Variants in CLCN6 observed in about 807,000 individuals in gnomAD.
CLCN6 encodes H(+)/Cl(-) exchange transporter 6.
A neutral mutation model predicts 109.8 loss-of-function variants in CLCN6; 70 were observed. That is an observed-to-expected ratio of 0.64 (90% CI 0.53 to 0.78). The LOEUF is 0.78. Ranked by LOEUF, CLCN6 falls within the 30% of genes least tolerant of loss-of-function variation. The pLI is 0.00. For missense variants in CLCN6, 984 were observed against 1,142.3 expected, an observed-to-expected ratio of 0.86 and a Z score of 2.00; for synonymous variants, 444 against 447.8, an observed-to-expected ratio of 0.99 and a Z score of 0.11.
At position 11,842,391 on chromosome 1, in the gene CLCN6, A is replaced by T. The variant is rs886295403; in HGVS notation, c.*2168A>T. 6.5e-6 allele frequency: 1 copy of T among 152,744 alleles called. No individual in the cohort carries two copies. Among genetic ancestry groups the T allele is most frequent in the African/African-American group, 2.4e-5 (1 of 41,476 alleles). The allele number at this position is 152,744 out of a possible 1,614,324, so 9.5% of individuals were successfully genotyped here. A position where few individuals can be genotyped will look rare whatever the true frequency, so the allele number is the denominator to read the frequency against. Reference sequence around the variant, plus strand: ...CAAGGAGGCCCCAAACCCAGGCCCCATGCAAAGGCACGTGGTTTCCTTTTC... The same window carrying T: ...CAAGGAGGCCCCAAACCCAGGCCCCTTGCAAAGGCACGTGGTTTCCTTTTC... On this transcript the variant is annotated 3_prime_UTR_variant, in exon 23 of 23. Transcript: ENST00000346436.
intron 5 of CLCN6, among the ~76,000 whole-genome samples, chr1:11,821,087 CAAA>C (rs1262108683): frequency 7.8e-5 from 8 of 102,160 alleles, no homozygotes; most frequent in African/African-American, 3.0e-4. Context: ...AAAACAACAA[CAAA>C]AAAAAAAAAC....
In CLCN6 at chr1:11,828,171, C is replaced by G. The variant is rs772513160; in HGVS notation, c.906C>G (p.Ser302Arg). Residue 302 changes from serine to arginine, a missense_variant, in exon 11 of 23, where the codon AGC becomes AGG. Coordinates refer to ENST00000346436, the MANE Select transcript of CLCN6 (RefSeq NM_001286.5). ...TCCGTTCTGGGATTCAGTTTGGAAG[C>G]TGGGGTTCCTTCCAGCTCCCTGGAT... Reference protein sequence around the residue: ...NFFRSGIQFGSWGSFQLPGLL... With the variant: ...NFFRSGIQFGRWGSFQLPGLL... The G allele has an allele frequency of 6.2e-7, 1 of 1,614,208 alleles. No individual in the cohort carries two copies. Among genetic ancestry groups the G allele is most frequent in the Admixed American group, 1.7e-5 (1 of 60,022 alleles).
intron 9 of CLCN6, among the ~76,000 whole-genome samples, 169 bp from the exon 10 acceptor site, chr1:11,826,920 C>T (rs552568304): frequency 2.6e-5 from 4 of 151,840 alleles, no homozygotes; most frequent in East Asian, 3.9e-4. Context: ...GTGTGGCTCT[C>T]GGGTGGACAC....
intron 5 of CLCN6, chr1:11,820,435 A>C: frequency 1.4e-6 from 1 of 711,888 alleles, no homozygotes; most frequent in Non-Finnish European, 2.6e-6. Context: ...AGTGGGGAAT[A>C]ATTTCTTAAA....
intron 2 of CLCN6, among the ~76,000 whole-genome samples, chr1:11,811,669 A>G (rs1351218329): frequency 1.3e-5 from 2 of 152,204 alleles, no homozygotes; most frequent in South Asian, 4.1e-4. Flanking sequence ...GACGTGAGCC[A>G]CTGCGCCCAG....
In CLCN6 at chr1:11,830,793, C is replaced by CTATATATATAT. The variant is rs1557429862; in HGVS notation, c.1248+1471_1248+1472insTATATATATAT. On this transcript the variant is annotated intron_variant, in intron 13 of 22. Transcript: ENST00000346436. ...CACACACACTATATATACACACACACACACACACACACACACACACAAACA... is the reference window on the plus strand; with the variant it reads ...CACACACACTATATATACACACACACTATATATATATACACACACACACACACACACAAACA... Among the ~76,000 whole-genome samples the CTATATATATAT allele has an allele frequency of 7.6e-3, 1,052 of 138,598 alleles. 22 individuals carry two copies. The highest frequency in any genetic ancestry group is 0.029 in the African/African-American group (966 of 33,858). 90.9% of individuals were successfully genotyped at this position (138,598 alleles called of 152,430 possible). A position where few individuals can be genotyped will look rare whatever the true frequency, so the allele number is the denominator to read the frequency against.
chr1:11,826,150 C>T lies in CLCN6; in HGVS notation c.649-6C>T. On this transcript the variant is annotated splice_region_variant and splice_polypyrimidine_tract_variant and intron_variant, in intron 8 of 22. Coordinates refer to ENST00000346436, the MANE Select transcript of CLCN6 (RefSeq NM_001286.5). ...TCTTTAGTGGCTCTCTTTTCTCTTG[C>T]TTTAGTTTCAGAGCATCTCCTTACG... The T allele has an allele frequency of 6.2e-7, 1 of 1,610,628 alleles. No individual in the cohort carries two copies. The highest frequency in any genetic ancestry group is 8.5e-7 in the Non-Finnish European group (1 of 1,177,480).
rs1557432122 is a variant in CLCN6, at chr1:11,833,960, AGTGGCCTTTTT to A, written c.1460_1470del (p.Gly487AlafsTer60). 4 of 1,613,978 alleles carry A rather than the reference AGTGGCCTTTTT, an allele frequency of 2.5e-6. No individual in the cohort carries two copies. The highest frequency in any genetic ancestry group is 3.4e-6 in the Non-Finnish European group (4 of 1,179,996). On this transcript the variant is annotated frameshift_variant, in exon 15 of 23. Transcript: ENST00000346436. LOFTEE classifies it high-confidence loss of function. Reference sequence around the variant, plus strand: ...TTGGACTTACGGCATTTCTGTTCCAAGTGGCCTTTTTGTGCCTTCTCTGCTGTGTGGAGCTG... The same window carrying A: ...TTGGACTTACGGCATTTCTGTTCCAAGTGCCTTCTCTGCTGTGTGGAGCTG...
At chr1:11,836,203 G>A (rs773525788) in intron 18 of CLCN6, 50 bp downstream of exon 18, 28 of 1,541,078 alleles carry the variant, frequency 1.8e-5, no homozygotes, top group East Asian at 6.9e-5. Flanking sequence ...AAGCGGTCCC[G>A]TCTCACACGG....
Position 11,837,382 on chromosome 1 carries a change from A to G in CLCN6, c.2178A>G (p.Pro726=). The G allele has an allele frequency of 6.2e-7, 1 of 1,614,002 alleles. No individual in the cohort carries two copies. Among genetic ancestry groups the G allele is most frequent in the Non-Finnish European group, 8.5e-7 (1 of 1,179,862 alleles). ...PYPNLYPDQS[P]SEDWTMEERF... ...CCAACCTATACCCTGACCAGTCCCC[A>G]AGTGAAGACTGGACCATGGAGGAGC... The change falls in exon 20 of 23, where the codon CCA becomes CCG. Residue 726 remains proline, a synonymous_variant. Transcript: ENST00000346436.
rs146785158 is a variant in CLCN6 at position 11,834,302 on chromosome 1, C to T, written c.1593C>T (p.Gly531=). The T allele has an allele frequency of 8.1e-6, 13 of 1,613,862 alleles. No homozygotes were observed. In the African/African-American group the frequency reaches 1.1e-4, roughly 13 times the overall value. ...FALIGAAAFL[G]GVVRMTISLT... is the part of the protein sequence containing the mutation. ...TGATTGGTGCAGCGGCTTTCTTGGG[C>T]GGGGTGGTCCGCATGACCATCAGCC... The change falls in exon 16 of 23, where the codon GGC becomes GGT. Residue 531 remains glycine (G), a synonymous_variant. Coordinates refer to ENST00000346436, the MANE Select transcript of CLCN6 (RefSeq NM_001286.5). This position sits in a 1 kb window ranked among gnomAD's most constrained non-coding sequence, Gnocchi z 4.5.
Position 11,834,227 on chromosome 1 carries a change from C to T in CLCN6, c.1527-9C>T, listed in dbSNP as rs770083126. On this transcript the variant is annotated splice_polypyrimidine_tract_variant and intron_variant, in intron 15 of 22. Coordinates refer to ENST00000346436, the MANE Select transcript of CLCN6 (RefSeq NM_001286.5). This position sits in a 1 kb window ranked among gnomAD's most constrained non-coding sequence, Gnocchi z 4.5. ...TCAAAGCCATGTTCTCGGTGTTTTC[C>T]TTCACTAGCTACATTGGATTGGGCC... 6.2e-7 allele frequency: 1 copy of T among 1,608,896 alleles called. No homozygotes were observed. The highest frequency in any genetic ancestry group is 8.5e-7 in the Non-Finnish European group (1 of 1,177,446).
In CLCN6 at chr1:11,826,209, C is replaced by T. The variant is rs147855525; in HGVS notation, c.702C>T (p.Ser234=). 4.2e-5 allele frequency: 68 copies of T among 1,613,182 alleles called. No individual in the cohort carries two copies. The African/African-American group carries it at 7.2e-4, about 17-fold the overall frequency. ...KIQFNFPYFR[S]DRDKRDFVSA... ...AGTTTAACTTCCCCTATTTCCGAAGCGACAGGTATGGAAAGGTTAGAAATT... is the reference window on the plus strand; with the variant it reads ...AGTTTAACTTCCCCTATTTCCGAAGTGACAGGTATGGAAAGGTTAGAAATT... The change falls in exon 9 of 23, where the codon AGC becomes AGT. Residue 234 remains serine, a synonymous_variant. Coordinates refer to ENST00000346436, the MANE Select transcript of CLCN6 (RefSeq NM_001286.5).
Position 11,829,202 on chromosome 1 carries a change from A to G in CLCN6, c.1128A>G (p.Leu376=). The change falls in exon 13 of 23, where the codon TTA becomes TTG. Residue 376 remains leucine (L), a synonymous_variant. Transcript: ENST00000346436. ...GCTGTGCTTTGCCTCCTAGAGTCTT[A>G]GAGAGCCTCCTTGTGTCTCTGGTAA... ...VHPKPKLVRV[L]ESLLVSLVTT... The G allele has an allele frequency of 1.2e-6, 2 of 1,613,968 alleles. No homozygotes were observed. The highest frequency in any genetic ancestry group is 1.7e-6 in the Non-Finnish European group (2 of 1,179,932).
chr1:11,831,058 C>T (rs897665482), intron 13 of CLCN6, among the ~76,000 whole-genome samples: 1 of 151,922 alleles, frequency 6.6e-6, no homozygotes, highest in Admixed American at 6.6e-5. Flanking sequence ...GTCTCGAACT[C>T]CTGACCTCAA....
At chr1:11,837,769 C>T (rs1644969248) in intron 20 of CLCN6, among the ~76,000 whole-genome samples, 1 of 152,130 alleles carries the variant, frequency 6.6e-6, no homozygotes, top group Admixed American at 6.5e-5. Flanking sequence ...CTTCCTAGCT[C>T]ATGGGAGTTG....
chr1:11,825,157 G>T (rs1028638780), intron 8 of CLCN6, among the ~76,000 whole-genome samples: 1 of 152,166 alleles, frequency 6.6e-6, no homozygotes, highest in Non-Finnish European at 1.5e-5. Flanking sequence ...GGCTGCTGTT[G>T]GAGAAGTCTC....
At chr1:11,809,920 CAACTT>C (rs1644576672) in intron 2 of CLCN6, among the ~76,000 whole-genome samples, 1 of 152,090 alleles carries the variant, frequency 6.6e-6, no homozygotes, top group Non-Finnish European at 1.5e-5. Flanking sequence ...ATAAATAAAT[CAACTT>C]GACACAAAAA....
rs1570539781 is a variant in CLCN6, at chr1:11,834,992, A to C, written c.1793+402A>C. 6.6e-6 allele frequency among the ~76,000 whole-genome samples: 1 copy of C among 152,298 alleles called. No individual in the cohort carries two copies. The highest frequency in any genetic ancestry group is 1.9e-4 in the East Asian group (1 of 5,182). On this transcript the variant is annotated intron_variant, in intron 17 of 22. Transcript: ENST00000346436. The surrounding 1 kb of genome is among the most constrained non-coding windows in gnomAD (Gnocchi z 4.5). ...GCCAGCCGGGATTGTTCTGGGCATAATCACCTCATAACCCACCTGCTAATC... is the reference window on the plus strand; with the variant it reads ...GCCAGCCGGGATTGTTCTGGGCATACTCACCTCATAACCCACCTGCTAATC...
Sources: allele counts gnomAD v4.1 joint callset (sites outside exome capture counted in the v4.1 genomes callset), GRCh38; gene constraint gnomAD v4.1.1; non-coding constraint Gnocchi (gnomAD v3.1); transcripts MANE v1.5; gene names NCBI Gene and HGNC (gene_info 2026-07-23, HGNC 2026-07-21).